Variants in CDK8 observed in about 807,000 individuals in gnomAD.
The protein encoded by CDK8 is cyclin-dependent kinase 8.
Under a neutral mutation model 71.5 loss-of-function variants are expected in CDK8, and 29 were observed. The ratio of observed to expected loss-of-function variants is 0.41; its 90% confidence interval spans 0.30 to 0.55. The LOEUF is 0.55. CDK8 is among the 20% of genes least tolerant of loss of function. CDK8 has a pLI of 0.37. For synonymous variants in CDK8, 161 were observed against 192.1 expected, an observed-to-expected ratio of 0.84 and a Z score of 1.34; for missense variants, 288 against 572.6, an observed-to-expected ratio of 0.50 and a Z score of 5.07.
At chr13:26,274,659 C>T (rs1302559845) in intron 1 of CDK8, among the ~76,000 whole-genome samples, 6 of 152,112 alleles carry the variant, frequency 3.9e-5, no homozygotes, top group African/African-American at 1.4e-4. Context: ...TCTCATTCTC[C>T]TGACCTCGTG....
At chr13:26,304,031 C>T (rs757765479) in intron 1 of CDK8, among the ~76,000 whole-genome samples, 8 of 151,898 alleles carry the variant, frequency 5.3e-5, no homozygotes, top group African/African-American at 1.2e-4. Context: ...TCAGGGAGGC[C>T]GAGGCGGGTG....
chr13:26,373,182 T>C (rs1470849499), intron 4 of CDK8, among the ~76,000 whole-genome samples: 1 of 152,224 alleles, frequency 6.6e-6, no homozygotes, highest in Non-Finnish European at 1.5e-5. Flanking sequence ...ATCCTGTACA[T>C]ACTAGTGCCC....
chr13:26,276,115 C>A (rs1490494154), intron 1 of CDK8, among the ~76,000 whole-genome samples: 1 of 152,180 alleles, frequency 6.6e-6, no homozygotes, highest in Non-Finnish European at 1.5e-5. Flanking sequence ...CCTGCCTCGG[C>A]CTCCCAAAGT....
chr13:26,372,915 A>G (rs1237922876), intron 4 of CDK8, among the ~76,000 whole-genome samples: 1 of 152,196 alleles, frequency 6.6e-6, no homozygotes, highest in East Asian at 1.9e-4. Context: ...TAGACCCTGC[A>G]GTGCCTGGCC....
chr13:26,339,757 A>C (rs1565978502), intron 2 of CDK8, among the ~76,000 whole-genome samples: 1 of 70,412 alleles, frequency 1.4e-5, no homozygotes, highest in African/African-American at 5.3e-5. Context: ...TAAAAAAAAA[A>C]TATATATATA....
intron 1 of CDK8, among the ~76,000 whole-genome samples, chr13:26,274,266 A>G (rs1872469862): frequency 6.6e-6 from 1 of 152,006 alleles, no homozygotes; most frequent in African/African-American, 2.4e-5. Flanking sequence ...CAATAGTTTT[A>G]TTATTGTTTT....
At chr13:26,389,827 G>A (rs898732822) in intron 6 of CDK8, among the ~76,000 whole-genome samples, 1 of 151,786 alleles carries the variant, frequency 6.6e-6, no homozygotes, top group East Asian at 1.9e-4. Context: ...GTGAAACTCC[G>A]TCTCTACTAA....
At chr13:26,368,087 G>A (rs1039252540) in intron 4 of CDK8, among the ~76,000 whole-genome samples, 5 of 152,294 alleles carry the variant, frequency 3.3e-5, no homozygotes, top group African/African-American at 1.2e-4. Flanking sequence ...GGGATTGCTA[G>A]TTGTAGAGGT....
intron 7 of CDK8, among the ~76,000 whole-genome samples, chr13:26,395,115 ATG>A (rs1230281319): frequency 1.3e-5 from 2 of 152,222 alleles, no homozygotes; most frequent in Non-Finnish European, 2.9e-5. Context: ...AGTTTACAAT[ATG>A]TGATGTCTTT....
intron 4 of CDK8, chr13:26,359,799 T>A (rs1874054675): frequency 3.0e-6 from 1 of 330,004 alleles, no homozygotes; most frequent in Non-Finnish European, 6.3e-6. Flanking sequence ...CACTTGAACC[T>A]CTGCCTCCCA....
chr13:26,380,033 A>C (rs1346066561), intron 4 of CDK8, among the ~76,000 whole-genome samples: 1 of 152,234 alleles, frequency 6.6e-6, no homozygotes, highest in African/African-American at 2.4e-5. Context: ...CGAAAACATG[A>C]AAACATGCAT....
intron 4 of CDK8, among the ~76,000 whole-genome samples, chr13:26,369,475 A>G (rs868520554): frequency 8.6e-4 from 128 of 148,294 alleles, no homozygotes; most frequent in African/African-American, 3.0e-3. Flanking sequence ...AAAAAAAGTA[A>G]AAGTCCATCT....
intron 1 of CDK8, among the ~76,000 whole-genome samples, chr13:26,258,862 AG>A (rs145468957): frequency 0.028 from 4,335 of 152,254 alleles, 221 homozygotes; most frequent in African/African-American, 0.098. Flanking sequence ...ACTGCCAAAA[AG>A]CTTGGTAACT....
intron 3 of CDK8, among the ~76,000 whole-genome samples, chr13:26,353,362 A>G (rs918980971): frequency 3.3e-5 from 5 of 149,502 alleles, no homozygotes; most frequent in African/African-American, 7.4e-5. Flanking sequence ...ATTCTATGCT[A>G]TGTCAACCAG....
chr13:26,374,473 C>T (rs1440943838), intron 4 of CDK8, among the ~76,000 whole-genome samples: 1 of 151,894 alleles, frequency 6.6e-6, no homozygotes, highest in Non-Finnish European at 1.5e-5. Context: ...ACAAATATCA[C>T]TAAAGATATG....
chr13:26,254,167 T>G lies in CDK8; in HGVS notation c.-475T>G. ...CTGTTGTGCGGCTCTGCCCTTCTGT[T>G]TGAGTGTATGGGAGAGTGAGTGAGT... On this transcript the variant is annotated 5_prime_UTR_variant, in exon 1 of 13. Coordinates refer to ENST00000381527, the MANE Select transcript of CDK8 (RefSeq NM_001260.3). The surrounding 1 kb of genome is among the most constrained non-coding windows in gnomAD (Gnocchi z 6.7). 4.3e-6 allele frequency: 1 copy of G among 231,682 alleles called. No individual in the cohort carries two copies. The highest frequency in any genetic ancestry group is 6.1e-5 in the East Asian group (1 of 16,366). The allele number at this position is 231,682 out of a possible 1,614,324, so 14.4% of individuals were successfully genotyped here.
At chr13:26,384,108 T>C (rs1875358607) in intron 5 of CDK8, among the ~76,000 whole-genome samples, 2 of 152,236 alleles carry the variant, frequency 1.3e-5, no homozygotes, top group East Asian at 3.8e-4. Context: ...GGAATTATAG[T>C]TCTATGTAAT....
intron 1 of CDK8, among the ~76,000 whole-genome samples, chr13:26,304,194 G>A (rs1233235901): frequency 6.6e-6 from 1 of 151,436 alleles, no homozygotes; most frequent in Non-Finnish European, 1.5e-5. Flanking sequence ...AACCCAGGAG[G>A]CAGAGGTTGC....
At position 26,259,728 on chromosome 13, in the gene CDK8, C is replaced by T. The variant is rs17083513; in HGVS notation, c.128+4959C>T. Among the ~76,000 whole-genome samples the T allele has an allele frequency of 8.0e-3, 1,217 of 152,254 alleles. 26 individuals are homozygous for T. The highest frequency in any genetic ancestry group is 0.026 in the African/African-American group (1,095 of 41,546). On this transcript the variant is annotated intron_variant, in intron 1 of 12. Transcript: ENST00000381527. ...AAAATCAATTCATTTGGGATTTGTT[C>T]ATGTGAGTTATTACTTTTACTGTGT...
Sources: allele counts gnomAD v4.1 joint callset (sites outside exome capture counted in the v4.1 genomes callset), GRCh38; gene constraint gnomAD v4.1.1; non-coding constraint Gnocchi (gnomAD v3.1); transcripts MANE v1.5; gene names NCBI Gene and HGNC (gene_info 2026-07-23, HGNC 2026-07-21).